Variants in PCDH9 observed in about 807,000 individuals in gnomAD.
PCDH9 encodes the protein protocadherin 9.
A neutral mutation model predicts 70.6 loss-of-function variants in PCDH9; 24 were observed. That is an observed-to-expected ratio of 0.34 (90% CI 0.25 to 0.48). The LOEUF is 0.48. PCDH9 is among the 20% of genes least tolerant of loss of function. The pLI, the probability that PCDH9 is intolerant of heterozygous loss-of-function variation, is 0.99. For missense variants in PCDH9, 1,281 were observed against 1,503.6 expected (o/e 0.85, Z 2.45); for synonymous variants, 562 against 558.5 (o/e 1.01, Z -0.09).
At chr13:66,778,581 A>C (rs2079939361) in intron 3 of PCDH9, among the ~76,000 whole-genome samples, 1 of 152,242 alleles carries the variant, frequency 6.6e-6, no homozygotes, top group Non-Finnish European at 1.5e-5. Flanking sequence ...AGTAATTGCG[A>C]AAGTTTGAAA....
intron 4 of PCDH9, among the ~76,000 whole-genome samples, chr13:66,595,362 G>C (rs1040798917): frequency 6.6e-6 from 1 of 151,708 alleles, no homozygotes; most frequent in African/African-American, 2.4e-5. Context: ...GCCAGGAGAA[G>C]TTATGTTGAA....
chr13:66,728,428 T>C (rs2079032881), intron 3 of PCDH9, among the ~76,000 whole-genome samples: 2 of 152,146 alleles, frequency 1.3e-5, no homozygotes, highest in African/African-American at 4.8e-5. Flanking sequence ...CGTTTCCGAA[T>C]GTTGTTTACT....
At chr13:66,447,130 G>A (rs1331828637) in intron 4 of PCDH9, among the ~76,000 whole-genome samples, 1 of 151,924 alleles carries the variant, frequency 6.6e-6, no homozygotes, top group Non-Finnish European at 1.5e-5. Flanking sequence ...TCTATTTACG[G>A]TCGGAAATAT....
intron 2 of PCDH9, among the ~76,000 whole-genome samples, chr13:67,014,752 T>C (rs147554307): frequency 2.6e-5 from 4 of 152,068 alleles, no homozygotes; most frequent in African/African-American, 7.2e-5. Context: ...CCTCCTATGA[T>C]CTTATTCTCC....
intron 3 of PCDH9, among the ~76,000 whole-genome samples, chr13:66,650,955 A>C (rs1196335335): frequency 6.6e-6 from 1 of 152,012 alleles, no homozygotes; most frequent in Non-Finnish European, 1.5e-5. Flanking sequence ...TGAAGAAATT[A>C]AGAAGGAAAT....
intron 4 of PCDH9, among the ~76,000 whole-genome samples, chr13:66,554,165 C>T (rs1047833746): frequency 3.3e-5 from 5 of 152,016 alleles, no homozygotes; most frequent in Non-Finnish European, 5.9e-5. Flanking sequence ...AGAAGCTGAG[C>T]CAATTGCTAA....
intron 4 of PCDH9, among the ~76,000 whole-genome samples, chr13:66,409,535 C>CA (rs536319462): frequency 2.0e-5 from 3 of 150,986 alleles, no homozygotes; most frequent in Non-Finnish European, 4.4e-5. Context: ...AACATTATTA[C>CA]AAATTCTCCG....
chr13:66,848,464 G>A (rs960099736), intron 3 of PCDH9, among the ~76,000 whole-genome samples: 8 of 152,134 alleles, frequency 5.3e-5, no homozygotes, highest in Non-Finnish European at 1.5e-5. Context: ...ATTAACAGCA[G>A]ATCCTGAGTA....
At chr13:67,023,743 A>C (rs1466452111) in intron 2 of PCDH9, among the ~76,000 whole-genome samples, 2 of 152,166 alleles carry the variant, frequency 1.3e-5, no homozygotes, top group African/African-American at 4.8e-5. Context: ...TGCCATGACT[A>C]CAAGCAACCA....
intron 3 of PCDH9, among the ~76,000 whole-genome samples, chr13:66,840,556 G>C (rs2081099403): frequency 6.6e-6 from 1 of 152,140 alleles, no homozygotes; most frequent in Non-Finnish European, 1.5e-5. Flanking sequence ...CGAAGTTAAA[G>C]ATAAAACATT....
chr13:66,589,386 TATG>T (rs1282609113), intron 4 of PCDH9, among the ~76,000 whole-genome samples: 2 of 152,068 alleles, frequency 1.3e-5, no homozygotes, highest in Non-Finnish European at 2.9e-5. Flanking sequence ...AGGATATATT[TATG>T]ATGATGAATA....
chr13:66,335,915 C>T (rs996100688), intron 4 of PCDH9, among the ~76,000 whole-genome samples: 4 of 152,070 alleles, frequency 2.6e-5, no homozygotes, highest in Admixed American at 1.3e-4. Context: ...TAAGCTTTGC[C>T]GCACAAGACT....
At chr13:66,435,106 C>G (rs1043894209) in intron 4 of PCDH9, among the ~76,000 whole-genome samples, 3 of 152,204 alleles carry the variant, frequency 2.0e-5, no homozygotes, top group Admixed American at 6.5e-5. Context: ...AAACTGCTCA[C>G]TCTTTAATAA....
At chr13:66,945,752 T>A (rs995386087) in intron 2 of PCDH9, among the ~76,000 whole-genome samples, 1 of 152,184 alleles carries the variant, frequency 6.6e-6, no homozygotes. Context: ...TGGACACTTG[T>A]TCTTCCCTTC....
intron 3 of PCDH9, among the ~76,000 whole-genome samples, chr13:66,682,358 ATC>A (rs1478791816): frequency 3.3e-4 from 3 of 9,090 alleles, no homozygotes; most frequent in Non-Finnish European, 5.9e-4. Context: ...TTTATTATCT[ATC>A]TATCTATCTA....
intron 2 of PCDH9, chr13:67,224,243 A>C (rs1260814661): frequency 6.6e-6 from 1 of 152,242 alleles, no homozygotes; most frequent in East Asian, 1.9e-4. Flanking sequence ...GAAATCCTAG[A>C]AAGTTGGTGT....
rs566969171 is a variant in PCDH9, at chr13:66,908,691, C to T, written c.3037-5086G>A. Among the ~76,000 whole-genome samples the T allele has an allele frequency of 1.3e-4, 20 of 152,046 alleles. No individual in the cohort carries two copies. The South Asian group carries it at 3.3e-3, about 25-fold the overall frequency. On this transcript the variant is annotated intron_variant, in intron 2 of 4. Transcript: ENST00000377865. ...TTAGTATCCTGAAATTTATTCTGGC[C>T]CAAATAAGGAAACCTTGAGCCTATA...
At chr13:67,159,889 C>T (rs977908750) in intron 2 of PCDH9, among the ~76,000 whole-genome samples, 2 of 151,590 alleles carry the variant, frequency 1.3e-5, no homozygotes, top group African/African-American at 4.8e-5. Context: ...AGAAAGGGGC[C>T]TTTGCTGGTT....
chr13:66,649,058 A>G (rs533712023), intron 3 of PCDH9, among the ~76,000 whole-genome samples: 8 of 152,268 alleles, frequency 5.3e-5, no homozygotes, highest in Admixed American at 2.0e-4. Context: ...CCTTCCTACA[A>G]GATCTAGAAA....
Sources: gnomAD v4.1 joint callset for allele counts (sites outside exome capture counted in the v4.1 genomes callset) on GRCh38, gnomAD v4.1.1 for gene constraint, MANE v1.5 for transcripts, NCBI Gene and HGNC (gene_info 2026-07-23, HGNC 2026-07-21) for gene names.